The following GP6 variants were observed in gnomAD, a reference collection of about 807,000 sequenced individuals.
The protein encoded by GP6 is platelet glycoprotein VI.
GP6 carries 45 observed loss-of-function variants against 37.3 expected under a neutral mutation model. That is an observed-to-expected ratio of 1.21 (90% CI 0.95 to 1.55). The LOEUF (loss-of-function observed/expected upper bound fraction) is 1.55. Ranked by LOEUF, GP6 falls within the 40% of genes most tolerant of loss-of-function variation. The pLI is 0.00. For missense variants in GP6, 813 were observed against 760.2 expected (o/e 1.07, Z -0.82); for synonymous variants, 340 against 316.4 (o/e 1.07, Z -0.79).
chr19:55,018,730 G>A lies in GP6; in HGVS notation c.665-19C>T. On this transcript the variant is annotated intron_variant, in intron 5 of 7. Coordinates refer to ENST00000310373, the MANE Select transcript of GP6 (RefSeq NM_001083899.2). The stretch of plus-strand genomic sequence containing the variant: ...GAGAATTCTAAGAAAGCAAAACAAT[G>A]TTAGGTCTTCCCCGTGGTTCCCTAT... 3.2e-6 allele frequency: 5 copies of A among 1,572,594 alleles called. No individual in the cohort carries two copies. The highest frequency in any genetic ancestry group is 4.4e-6 in the Non-Finnish European group (5 of 1,142,082).
chr19:55,032,140 C>A lies in GP6; in HGVS notation c.324G>T (p.Thr108=), dbSNP rs752698122. ...AGGCTCCGATCCCCCTTCCTTTACC[C>A]GTGGCAACGAGCTCCAGCTGGTCGC... The change falls in exon 3 of 8, where the codon ACG becomes ACT. Residue 108 remains threonine, a splice_region_variant and synonymous_variant. Coordinates refer to ENST00000310373, the MANE Select transcript of GP6 (RefSeq NM_001083899.2). 2 of 1,613,662 alleles carry A rather than the reference C, an allele frequency of 1.2e-6. No homozygotes were observed. Among genetic ancestry groups the A allele is most frequent in the South Asian group, 2.2e-5 (2 of 91,074 alleles).
intron 3 of GP6, among the ~76,000 whole-genome samples, chr19:55,028,569 TCA>T (rs1450059034): frequency 5.3e-5 from 8 of 152,370 alleles, no homozygotes; most frequent in African/African-American, 1.4e-4. Flanking sequence ...AGTAACTGTC[TCA>T]CAGTGGATTC....
intron 3 of GP6, among the ~76,000 whole-genome samples, chr19:55,028,507 C>T (rs1568625522): frequency 6.6e-6 from 1 of 152,176 alleles, no homozygotes; most frequent in African/African-American, 2.4e-5. Flanking sequence ...AGTATTCTCA[C>T]ACACAAAAAA....
chr19:55,013,972 G>A lies in GP6; in HGVS notation c.*110C>T. The A allele has an allele frequency of 2.3e-6, 1 of 442,240 alleles. No homozygotes were observed. The highest frequency in any genetic ancestry group is 6.7e-5 in the East Asian group (1 of 14,908). The allele number at this position is 442,240 out of a possible 1,614,324, so 27.4% of individuals were successfully genotyped here. A position where few individuals can be genotyped will look rare whatever the true frequency, so the allele number is the denominator to read the frequency against. ...CCTTCAGAAAGTAAATATGAGAGGG[G>A]TGGAGACGGTGCATTATCTTATTTT... On this transcript the variant is annotated 3_prime_UTR_variant, in exon 8 of 8. Transcript: ENST00000310373.
chr19:55,025,212 A>C lies in GP6; in HGVS notation c.664+6T>G, dbSNP rs2146795764. The C allele has an allele frequency of 6.6e-7, 1 of 1,523,430 alleles. No homozygotes were observed. Among genetic ancestry groups the C allele is most frequent in the East Asian group, 2.4e-5 (1 of 40,864 alleles). 94.4% of individuals were successfully genotyped at this position (1,523,430 alleles called of 1,614,324 possible). On this transcript the variant is annotated splice_donor_region_variant and intron_variant, in intron 5 of 7. Transcript: ENST00000310373. The stretch of plus-strand genomic sequence containing the variant: ...TGTGCACCAGAATGGACCCTGCAGA[A>C]CCTACCTGCTACCGGGGAAGGTGGT...
At chr19:55,017,673 T>A (rs894123039) in intron 6 of GP6, among the ~76,000 whole-genome samples, 2 of 152,104 alleles carry the variant, frequency 1.3e-5, no homozygotes, top group Admixed American at 1.3e-4. Flanking sequence ...CAACAGGGGC[T>A]GGATATCTAA....
At chr19:55,026,527 A>G (rs2074308702) in intron 4 of GP6, among the ~76,000 whole-genome samples, 2 of 152,200 alleles carry the variant, frequency 1.3e-5, no homozygotes, top group South Asian at 4.1e-4. Context: ...AAGGCTGCAT[A>G]ATATTCCATT....
intron 5 of GP6, among the ~76,000 whole-genome samples, chr19:55,021,866 G>A (rs2074101120): frequency 1.3e-5 from 2 of 152,140 alleles, no homozygotes; most frequent in Non-Finnish European, 2.9e-5. Context: ...GTGAGATGGT[G>A]TCTAAATGTG....
intron 5 of GP6, among the ~76,000 whole-genome samples, chr19:55,021,499 G>C (rs2074081498): frequency 1.4e-5 from 2 of 147,092 alleles, no homozygotes; most frequent in South Asian, 4.3e-4. Context: ...GCCAGCACCT[G>C]TTGTTTCTTG....
At chr19:55,029,670 G>A (rs1041858933) in intron 3 of GP6, among the ~76,000 whole-genome samples, 5 of 150,986 alleles carry the variant, frequency 3.3e-5, no homozygotes, top group Non-Finnish European at 7.4e-5. Flanking sequence ...CATTACAGGC[G>A]TGAGCCACCG....
Position 55,032,380 on chromosome 19 carries a change from G to C in GP6, c.84C>G (p.Pro28=). ...GGGAGCTGGGCAGAGCCTGGAGGGA[G>C]GGCTTGGGGAGCGGTCCTGGAAGAG... The change falls in exon 3 of 8, where the codon CCC becomes CCG. Residue 28 remains proline (P), a synonymous_variant. Coordinates refer to ENST00000310373, the MANE Select transcript of GP6 (RefSeq NM_001083899.2). 6.2e-7 allele frequency: 1 copy of C among 1,613,364 alleles called. No individual in the cohort carries two copies. The highest frequency in any genetic ancestry group is 8.5e-7 in the Non-Finnish European group (1 of 1,179,598).
intron 5 of GP6, among the ~76,000 whole-genome samples, chr19:55,019,780 C>A (rs2074010888): frequency 6.6e-6 from 1 of 151,026 alleles, no homozygotes; most frequent in Non-Finnish European, 1.5e-5. Context: ...CGGGTTCACA[C>A]CATTATCCTG....
intron 3 of GP6, among the ~76,000 whole-genome samples, chr19:55,029,374 ATTTTTTTTTTTTTTTTTTTT>A (rs1160805363): frequency 4.5e-3 from 20 of 4,436 alleles, no homozygotes; most frequent in African/African-American, 0.013. Context: ...ATATATATAT[ATTTTTTTTTTTTTTTTTTTT>A]TTTTTTTTTT....
chr19:55,032,822 G>C, intron 1 of GP6: 1 of 596,628 alleles, frequency 1.7e-6, no homozygotes, highest in South Asian at 2.0e-5. Context: ...GCAAGGCATG[G>C]TGGCGTACTG....
chr19:55,024,316 G>GCA (rs59204488), intron 5 of GP6, among the ~76,000 whole-genome samples: 2 of 140,230 alleles, frequency 1.4e-5, no homozygotes, highest in Non-Finnish European at 3.1e-5. Flanking sequence ...ACATATGCAC[G>GCA]CACACACACA....
intron 3 of GP6, among the ~76,000 whole-genome samples, chr19:55,030,790 CT>C: frequency 6.6e-6 from 1 of 152,296 alleles, no homozygotes; most frequent in Non-Finnish European, 1.5e-5. Flanking sequence ...AGTGGAAAGA[CT>C]GGTGAAATTC....
chr19:55,032,043 G>A (rs768340801), intron 3 of GP6, 96 bp downstream of exon 3: 125 of 1,267,996 alleles, frequency 9.9e-5, no homozygotes, highest in Admixed American at 2.1e-4. Context: ...CCAGTGCCTC[G>A]TTTGCCTCAC....
At chr19:55,033,549 C>T (rs1003263677) in intron 1 of GP6, among the ~76,000 whole-genome samples, 4 of 151,698 alleles carry the variant, frequency 2.6e-5, no homozygotes, top group Non-Finnish European at 4.4e-5. Context: ...ACGGTGGGCT[C>T]GTTCGTGTTA....
At chr19:55,023,951 GGT>G (rs57362240) in intron 5 of GP6, among the ~76,000 whole-genome samples, 115,311 of 151,504 alleles carry the variant, frequency 0.76, 44,601 homozygotes, top group Middle Eastern at 0.84. Context: ...GAAGGAGAAG[GGT>G]GTAGGTGTGA....
Sources: gnomAD v4.1 joint callset for allele counts (sites outside exome capture counted in the v4.1 genomes callset) on GRCh38, gnomAD v4.1.1 for gene constraint, MANE v1.5 for transcripts, NCBI Gene and HGNC (gene_info 2026-07-23, HGNC 2026-07-21) for gene names.